The following TTN variants were observed in gnomAD, a reference collection of about 807,000 sequenced individuals.
TTN encodes the protein titin, also known as connectin.
TTN carries 1,525 observed loss-of-function variants against 3,223.0 expected under a neutral mutation model. The observed-to-expected ratio is 0.47, with a 90% CI of 0.45 to 0.49. The LOEUF is 0.49. TTN is among the 20% of genes least tolerant of loss of function. The pLI is 0.00. For missense variants in TTN, 40,786 were observed against 43,424.0 expected (o/e 0.94, Z 5.40); for synonymous variants, 14,094 against 15,161.0 (o/e 0.93, Z 5.17).
chr2:178,528,398 G>A lies in TTN; in HGVS notation c.107253C>T (p.Ser35751=), dbSNP rs1211344526. ...CAAGGGAGTATACATTTCTGGAGCGGCTTATGCTGACATTTGAAGAAATAG... is the reference window on the plus strand; with the variant it reads ...CAAGGGAGTATACATTTCTGGAGCGACTTATGCTGACATTTGAAGAAATAG... ...PISISSNVSI[S]RSRNVYSLEI... The change falls in exon 361 of 363, where the codon AGC becomes AGT. Residue 35751 remains serine (S), a synonymous_variant. Coordinates refer to ENST00000589042, the MANE Select transcript of TTN (RefSeq NM_001267550.2). 3 of 1,613,816 alleles carry A rather than the reference G, an allele frequency of 1.9e-6. No individual in the cohort carries two copies. In the South Asian group the frequency reaches 3.3e-5, roughly 18 times the overall value.
intron 47 of TTN, chr2:178,750,692 T>G: frequency 6.2e-7 from 1 of 1,612,630 alleles, no homozygotes; most frequent in Non-Finnish European, 8.5e-7. Context: ...TCTCAAATCA[T>G]CCTTTTTTAT....
chr2:178,776,533 G>T lies in TTN; in HGVS notation c.5331C>A (p.Cys1777Ter). Residue 1777 changes from cysteine (C) to a stop codon, truncating the protein, a stop_gained, in exon 28 of 363, where the codon TGC becomes TGA. Transcript: ENST00000589042. LOFTEE classifies it high-confidence loss of function. ...AYSRDSGIIT[C>*]RATNKYGTDH... ...CTGTTCCATATTTGTTAGTGGCTCT[G>T]CAAGTAATGATACCACTGTCTCTAG... 6.2e-7 allele frequency: 1 copy of T among 1,610,478 alleles called. No individual in the cohort carries two copies. Among genetic ancestry groups the T allele is most frequent in the Admixed American group, 1.7e-5 (1 of 60,000 alleles).
chr2:178,757,983 T>C (rs1245133510), intron 44 of TTN, 67 bp from the exon 45 acceptor site: 1 of 1,471,702 alleles, frequency 6.8e-7, no homozygotes, highest in African/African-American at 1.4e-5. Context: ...TTTGGAGTTG[T>C]CTACAGATTT....
In TTN at chr2:178,684,745, T is replaced by C; in HGVS notation, c.32559A>G (p.Pro10853=). ...KKEKVPPPKV[P]EEPKKPVPEK... ...CTGGAACTGGTTTCTTTGGCTCTTC[T>C]GGCACTTAAAAGATACCAGGCAATA... The change falls in exon 131 of 363, where the codon CCA becomes CCG. Residue 10853 remains proline, a synonymous_variant. Coordinates refer to ENST00000589042, the MANE Select transcript of TTN (RefSeq NM_001267550.2). The C allele has an allele frequency of 6.2e-7, 1 of 1,613,568 alleles. No individual in the cohort carries two copies.
At chr2:178,667,027 C>A in intron 162 of TTN, 126 bp from the exon 163 acceptor site, 1 of 946,614 alleles carries the variant, frequency 1.1e-6, no homozygotes. Context: ...TATTTTTGTT[C>A]TAATATTTTA....
At position 178,720,628 on chromosome 2, in the gene TTN, C is replaced by G; in HGVS notation, c.23134G>C (p.Gly7712Arg). 1.9e-6 allele frequency: 3 copies of G among 1,606,602 alleles called. No individual in the cohort carries two copies. The highest frequency in any genetic ancestry group is 2.2e-5 in the East Asian group (1 of 44,758). ...PVFTQKPSPV[G>R]ALKGSDVILQ... is the part of the protein sequence containing the mutation. ...ATCACATCAGAACCTTTAAGAGCTC[C>G]TACTGGAGAAGGCTTCTGGGTGAAA... The change falls in exon 80 of 363, where the codon GGA (glycine) becomes CGA (arginine). Residue 7712 changes from glycine (G) to arginine (R), a missense_variant. Gly to Arg is a moderately radical substitution (Grantham distance 125, BLOSUM62 -2). Coordinates refer to ENST00000589042, the MANE Select transcript of TTN (RefSeq NM_001267550.2).
rs751704572 is a variant in TTN, at chr2:178,566,263, C to T, written c.79869G>A (p.Glu26623=). Residue 26623 remains glutamate, a synonymous_variant, in exon 326 of 363, where the codon GAG becomes GAA. Coordinates refer to ENST00000589042, the MANE Select transcript of TTN (RefSeq NM_001267550.2). ...HIPFKGRPTP[E]ITWSREEGEF... ...CACCTTCCTCTCGAGACCAAGTGAT[C>T]TCAGGCGTTGGACGACCTTTGAATG... The T allele has an allele frequency of 5.0e-6, 8 of 1,613,700 alleles. No homozygotes were observed. The highest frequency in any genetic ancestry group is 6.8e-6 in the Non-Finnish European group (8 of 1,179,708).
chr2:178,729,006 G>C lies in TTN; in HGVS notation c.19032C>G (p.Asp6344Glu), dbSNP rs750787195. 12 of 1,612,968 alleles carry C rather than the reference G, an allele frequency of 7.4e-6. No individual in the cohort carries two copies. The highest frequency in any genetic ancestry group is 1.0e-5 in the Non-Finnish European group (12 of 1,179,466). ...TTCTGATTTGAAGTGTGGCCACACT[G>C]TCCACAAATGAAATATAGACATTAT... ...EDDNVYISFVDSVATLQIRSV... is the reference protein window; with the variant it reads ...EDDNVYISFVESVATLQIRSV... Residue 6344 changes from aspartate (D) to glutamate (E), a missense_variant, in exon 65 of 363, where the codon GAC (aspartate) becomes GAG (glutamate). Asp to Glu is a conservative substitution (Grantham distance 45). Transcript: ENST00000589042.
Position 178,730,312 on chromosome 2 carries a change from G to C in TTN, c.18088C>G (p.Gln6030Glu). ...SQDVNPNTRV[Q>E]LKALVGGTAP... ...GTGCCACCCACAAGAGCCTTTAACT[G>C]TACCCTTGTGTTGGGATTGACATCT... The change falls in exon 62 of 363, where the codon CAG becomes GAG. Residue 6030 changes from glutamine (Q) to glutamate (E), a missense_variant. By Grantham distance (29) the Gln-to-Glu change is conservative. Coordinates refer to ENST00000589042, the MANE Select transcript of TTN (RefSeq NM_001267550.2). 6.2e-7 allele frequency: 1 copy of C among 1,611,362 alleles called. No individual in the cohort carries two copies. The highest frequency in any genetic ancestry group is 8.5e-7 in the Non-Finnish European group (1 of 1,178,650).
In TTN at chr2:178,734,832, T is replaced by C. The variant is rs1239777211; in HGVS notation, c.15092A>G (p.Tyr5031Cys). The change falls in exon 51 of 363, where the codon TAT (tyrosine) becomes TGT (cysteine). Residue 5031 changes from tyrosine (Y) to cysteine (C), a missense_variant. By Grantham distance (194) the Tyr-to-Cys change is radical (BLOSUM62 -2). Transcript: ENST00000589042. Reference sequence around the variant, plus strand: ...AAGTATAGCCTCAGAATTGACAAAATACATTCGGACTGTGTTACTTTCACT... The same window carrying C: ...AAGTATAGCCTCAGAATTGACAAAACACATTCGGACTGTGTTACTTTCACT... ...ELSESNTVRM[Y>C]FVNSEAILDI... The C allele has an allele frequency of 6.2e-7, 1 of 1,613,802 alleles. No individual in the cohort carries two copies. The highest frequency in any genetic ancestry group is 1.7e-5 in the Admixed American group (1 of 60,002).
intron 240 of TTN, chr2:178,628,765 C>T (rs1272307476): frequency 2.0e-5 from 3 of 152,256 alleles, no homozygotes; most frequent in African/African-American, 4.8e-5. Flanking sequence ...TTCCAGATAT[C>T]GCACAGCCCA....
Position 178,563,858 on chromosome 2 carries a change from T to C in TTN, c.82274A>G (p.Gln27425Arg), listed in dbSNP as rs1302788050. The C allele has an allele frequency of 2.5e-6, 4 of 1,613,754 alleles. No homozygotes were observed. The Admixed American group carries it at 6.7e-5, about 27-fold the overall frequency. The change falls in exon 326 of 363, where the codon CAG becomes CGG. Residue 27425 changes from glutamine to arginine, a missense_variant. Gln to Arg is a conservative substitution (Grantham distance 43). Coordinates refer to ENST00000589042, the MANE Select transcript of TTN (RefSeq NM_001267550.2). This position sits in a 1 kb window ranked among gnomAD's most constrained non-coding sequence, Gnocchi z 4.5. ...TTTAGTAACTTTGTAGTTAAGGGCC[T>C]GTACCTCAGTTGAAACCTGGGTCCA... ...LSWTQVSTEV[Q>R]ALNYKVTKLL... is the part of the protein sequence containing the mutation.
chr2:178,554,628 C>A lies in TTN; in HGVS notation c.88719G>T (p.Lys29573Asn), dbSNP rs951559577. 2.5e-6 allele frequency: 4 copies of A among 1,613,806 alleles called. No individual in the cohort carries two copies. The Middle Eastern group carries it at 4.9e-4, about 199-fold the overall frequency. The change falls in exon 332 of 363, where the codon AAG (lysine) becomes AAT (asparagine). Residue 29573 changes from lysine (K) to asparagine (N), a missense_variant. Coordinates refer to ENST00000589042, the MANE Select transcript of TTN (RefSeq NM_001267550.2). ...ACCACACAACGCGGCTTGTCTCACG[C>A]TTTTCCACAATGTAGTGAGTGATTT... The part of the protein sequence containing the change: ...GAKITHYIVE[K>N]RETSRVVWSM...
chr2:178,528,755 G>A lies in TTN; in HGVS notation c.106996C>T (p.Gln35666Ter), dbSNP rs750660824. Reference protein sequence around the residue: ...SGSDQTLTIKQASHRDEGILT... With the variant: ...SGSDQTLTIK ...ATTCCTTCATCTCTGTGACTGGCTT[G>A]CTTGATGGTTAGGGTCTGATCGCTG... is the stretch of plus-strand genomic sequence containing the variant. The change falls in exon 360 of 363, where the codon CAA becomes TAA. Residue 35666 changes from glutamine to a stop codon, truncating the protein, a stop_gained. Coordinates refer to ENST00000589042, the MANE Select transcript of TTN (RefSeq NM_001267550.2). LOFTEE classifies it high-confidence loss of function. 6.2e-7 allele frequency: 1 copy of A among 1,611,652 alleles called. No individual in the cohort carries two copies. Among genetic ancestry groups the A allele is most frequent in the Non-Finnish European group, 8.5e-7 (1 of 1,179,040 alleles).
In TTN at chr2:178,712,535, CA is replaced by C; in HGVS notation, c.27386del (p.Leu9129ArgfsTer3). The C allele has an allele frequency of 6.2e-7, 1 of 1,613,488 alleles. No individual in the cohort carries two copies. The highest frequency in any genetic ancestry group is 8.5e-7 in the Non-Finnish European group (1 of 1,179,654). On this transcript the variant is annotated frameshift_variant, in exon 95 of 363. Transcript: ENST00000589042. LOFTEE classifies it high-confidence loss of function. ...TTCCAGTGAATGTACCCTCTAGGAT[CA>C]GGGGTTTTCCTTTCTCTATGCTGTA... ...NDYSIEKGKP[L>X]ILEGTFTGTP... is the part of the protein sequence containing the mutation.
rs1284458172 is a variant in TTN at position 178,712,487 on chromosome 2, C to A, written c.27435G>T (p.Trp9145Cys). Reference protein sequence around the residue: ...FTGTPPISVTWKKNGINVTPS... With the variant: ...FTGTPPISVTCKKNGINVTPS... ...GAGTTACATTTATGCCATTTTTCTT[C>A]CAGGTAACCGAAATGGGAGGAGTTC... Residue 9145 changes from tryptophan (W) to cysteine (C), a missense_variant, in exon 95 of 363, where the codon TGG (tryptophan) becomes TGT (cysteine). Trp to Cys is a radical substitution (Grantham distance 215). Coordinates refer to ENST00000589042, the MANE Select transcript of TTN (RefSeq NM_001267550.2). The A allele has an allele frequency of 6.2e-7, 1 of 1,613,762 alleles. No individual in the cohort carries two copies. Among genetic ancestry groups the A allele is most frequent in the African/African-American group, 1.3e-5 (1 of 75,012 alleles).
At chr2:178,649,721 A>G in intron 211 of TTN, 90 bp from the exon 212 acceptor site, 1 of 1,540,102 alleles carries the variant, frequency 6.5e-7, no homozygotes, top group Non-Finnish European at 8.9e-7. Flanking sequence ...CATATAGGTA[A>G]GAGTTAACAA....
chr2:178,786,563 T>C (rs549283656), intron 13 of TTN, among the ~76,000 whole-genome samples: 25 of 152,308 alleles, frequency 1.6e-4, no homozygotes, highest in African/African-American at 5.5e-4. Context: ...GTGACAGTGA[T>C]GATATAAGTG....
chr2:178,786,158 C>T lies in TTN; in HGVS notation c.2077-17G>A, dbSNP rs1188202002. ...AACGTCCACCTGGAGACAAGGTTTC[C>T]AGAATTAATACATAGGAATATCGAG... On this transcript the variant is annotated splice_polypyrimidine_tract_variant and intron_variant, in intron 13 of 362. Transcript: ENST00000589042. The T allele has an allele frequency of 6.2e-7, 1 of 1,612,754 alleles. No homozygotes were observed. Among genetic ancestry groups the T allele is most frequent in the African/African-American group, 1.3e-5 (1 of 74,884 alleles).
Sources: gnomAD v4.1 joint callset for allele counts (sites outside exome capture counted in the v4.1 genomes callset) on GRCh38, gnomAD v4.1.1 for gene constraint, Gnocchi (gnomAD v3.1) non-coding constraint, MANE v1.5 for transcripts, NCBI Gene and HGNC (gene_info 2026-07-23, HGNC 2026-07-21) for gene names.